The following FAM117B variants were observed in gnomAD, a reference collection of about 807,000 sequenced individuals.
FAM117B encodes the protein family with sequence similarity 117 member B, also known as protein FAM117B.
Under a neutral mutation model 52.8 loss-of-function variants are expected in FAM117B, and 22 were observed. The observed-to-expected ratio is 0.42, with a 90% CI of 0.30 to 0.59. The LOEUF (loss-of-function observed/expected upper bound fraction) is 0.59. Ranked by LOEUF, FAM117B falls within the 20% of genes least tolerant of loss-of-function variation. The pLI is 0.22. For missense variants in FAM117B, 678 were observed against 802.6 expected (o/e 0.84, Z 1.88); for synonymous variants, 309 against 324.1 (o/e 0.95, Z 0.50).
At chr2:202,752,667 A>T (rs1370975991) in intron 4 of FAM117B, among the ~76,000 whole-genome samples, 3 of 151,974 alleles carry the variant, frequency 2.0e-5, no homozygotes, top group African/African-American at 7.2e-5. Context: ...GGTTAATCAC[A>T]TTTCTTTGCT....
In FAM117B at chr2:202,759,296, T is replaced by C. The variant is rs755367826; in HGVS notation, c.1394T>C (p.Met465Thr). The change falls in exon 7 of 8, where the codon ATG becomes ACG. Residue 465 changes from methionine to threonine, a missense_variant. By Grantham distance (81) the Met-to-Thr change is moderately conservative. Coordinates refer to ENST00000392238, the MANE Select transcript of FAM117B (RefSeq NM_173511.4). ...ATSPKPNNSY[M>T]FKREPPEGCE... ...TCACCAAAACCTAACAACAGTTATATGTTCAAAAGGGAACCTCCTGAGGGC... is the reference window on the plus strand; with the variant it reads ...TCACCAAAACCTAACAACAGTTATACGTTCAAAAGGGAACCTCCTGAGGGC... The C allele has an allele frequency of 1.9e-6, 3 of 1,614,170 alleles. No individual in the cohort carries two copies. Among genetic ancestry groups the C allele is most frequent in the South Asian group, 2.2e-5 (2 of 91,080 alleles).
intron 1 of FAM117B, among the ~76,000 whole-genome samples, chr2:202,652,991 A>G (rs779619639): frequency 7.2e-5 from 11 of 152,188 alleles, no homozygotes; most frequent in Non-Finnish European, 1.5e-4. Flanking sequence ...CAGGCTGGGC[A>G]TGGTGGCTCA....
chr2:202,635,484 G>A lies in FAM117B; in HGVS notation c.297G>A (p.Gly99=). Residue 99 remains glycine, a synonymous_variant, in exon 1 of 8, where the codon GGG becomes GGA. Transcript: ENST00000392238. ...SRSTSPTRGG[G]NAAARTSPTV... ...GCACCAGCCCCACGCGCGGCGGCGG[G>A]AACGCGGCCGCGCGCACCAGCCCCA... 9.6e-7 allele frequency: 1 copy of A among 1,036,524 alleles called. No individual in the cohort carries two copies. Among genetic ancestry groups the A allele is most frequent in the South Asian group, 4.4e-5 (1 of 22,648 alleles). 64.2% of individuals were successfully genotyped at this position (1,036,524 alleles called of 1,614,324 possible).
intron 2 of FAM117B, among the ~76,000 whole-genome samples, chr2:202,705,075 G>A (rs985725436): frequency 2.0e-5 from 3 of 152,088 alleles, no homozygotes; most frequent in Non-Finnish European, 4.4e-5. Flanking sequence ...GGGAGGCCGA[G>A]GCAGGTGGAT....
At chr2:202,637,281 G>T (rs1020488156) in intron 1 of FAM117B, among the ~76,000 whole-genome samples, 2 of 144,894 alleles carry the variant, frequency 1.4e-5, no homozygotes, top group Admixed American at 6.9e-5. Flanking sequence ...TTTTTGAGAC[G>T]GAGTCTTGCT....
intron 2 of FAM117B, among the ~76,000 whole-genome samples, chr2:202,706,888 T>G (rs949770696): frequency 6.6e-6 from 1 of 152,152 alleles, no homozygotes. Flanking sequence ...TGTTGTTGCC[T>G]GTCAGTAGCT....
chr2:202,695,774 G>A (rs1690700306), intron 1 of FAM117B, 107 bp from the exon 2 acceptor site: 2 of 1,219,616 alleles, frequency 1.6e-6, no homozygotes, highest in Non-Finnish European at 2.3e-6. Context: ...TGGTTAAAGG[G>A]GATTACCATA....
chr2:202,757,904 C>T (rs7585385), intron 6 of FAM117B, among the ~76,000 whole-genome samples: 1 of 151,990 alleles, frequency 6.6e-6, no homozygotes, highest in Non-Finnish European at 1.5e-5. Context: ...TTAAAGCAAG[C>T]CTGATGTAAA....
chr2:202,751,891 C>T (rs1691730481), intron 4 of FAM117B, among the ~76,000 whole-genome samples: 2 of 150,908 alleles, frequency 1.3e-5, no homozygotes, highest in Non-Finnish European at 3.0e-5. Context: ...TATAAATTTT[C>T]TCTATAAAAC....
At position 202,679,521 on chromosome 2, in the gene FAM117B, G is replaced by T. The variant is rs544989654; in HGVS notation, c.602-16360G>T. 3.3e-5 allele frequency among the ~76,000 whole-genome samples: 5 copies of T among 152,308 alleles called. No individual in the cohort carries two copies. In the South Asian group the frequency reaches 1.0e-3, roughly 32 times the overall value. On this transcript the variant is annotated intron_variant, in intron 1 of 7. Coordinates refer to ENST00000392238, the MANE Select transcript of FAM117B (RefSeq NM_173511.4). ...AGGCTGGACAAGGAATGACTGAGGAGCTCTATGTTAAGTAATTCCCAGGGT... is the reference window on the plus strand; with the variant it reads ...AGGCTGGACAAGGAATGACTGAGGATCTCTATGTTAAGTAATTCCCAGGGT...
At chr2:202,694,379 C>T (rs1476792484) in intron 1 of FAM117B, among the ~76,000 whole-genome samples, 4 of 151,498 alleles carry the variant, frequency 2.6e-5, no homozygotes, top group South Asian at 2.1e-4. Context: ...TTAGTAGAGA[C>T]GGGGTTTCGC....
At position 202,766,061 on chromosome 2, in the gene FAM117B, A is replaced by AAAACACAC. The variant is rs1027003502; in HGVS notation, c.*298_*299insAACACACA. ...TTGTTTTCGAATTAGACTTCTTTAA[A>AAAACACAC]ACACACACACACACACACACACACA... On this transcript the variant is annotated 3_prime_UTR_variant, in exon 8 of 8. Coordinates refer to ENST00000392238, the MANE Select transcript of FAM117B (RefSeq NM_173511.4). The AAAACACAC allele has an allele frequency of 3.5e-5, 7 of 202,478 alleles. No individual in the cohort carries two copies. Among genetic ancestry groups the AAAACACAC allele is most frequent in the African/African-American group, 1.8e-4 (7 of 39,816 alleles). The allele number at this position is 202,478 out of a possible 1,614,324, so 12.5% of individuals were successfully genotyped here.
chr2:202,678,405 G>T (rs1236741521), intron 1 of FAM117B, among the ~76,000 whole-genome samples: 1 of 152,170 alleles, frequency 6.6e-6, no homozygotes, highest in African/African-American at 2.4e-5. Flanking sequence ...CATAGCCCGT[G>T]AAAAAACTGG....
intron 1 of FAM117B, among the ~76,000 whole-genome samples, chr2:202,655,040 A>G (rs550342228): frequency 3.3e-5 from 5 of 152,124 alleles, no homozygotes; most frequent in Admixed American, 1.3e-4. Context: ...AAATAATTTA[A>G]TGCTTTTTCT....
intron 1 of FAM117B, among the ~76,000 whole-genome samples, chr2:202,657,867 T>C (rs1222108856): frequency 1.3e-5 from 2 of 152,202 alleles, no homozygotes; most frequent in Non-Finnish European, 2.9e-5. Flanking sequence ...TTAATTTATG[T>C]ATTTTTTTTG....
At position 202,767,887 on chromosome 2, in the gene FAM117B, T is replaced by TA. The variant is rs1692007301; in HGVS notation, c.*2124dup. On this transcript the variant is annotated 3_prime_UTR_variant, in exon 8 of 8. Transcript: ENST00000392238. ...CCAAAACTAATTTATTTGGAACTAG[T>TA]ACGTTATGGCTTCTCAGTCATGAAA... The TA allele has an allele frequency of 6.6e-6, 1 of 152,200 alleles. No individual in the cohort carries two copies. Among genetic ancestry groups the TA allele is most frequent in the African/African-American group, 2.4e-5 (1 of 41,448 alleles). 9.4% of individuals were successfully genotyped at this position (152,200 alleles called of 1,614,324 possible).
At chr2:202,745,414 C>T (rs1408038062) in intron 4 of FAM117B, among the ~76,000 whole-genome samples, 2 of 152,094 alleles carry the variant, frequency 1.3e-5, no homozygotes, top group Non-Finnish European at 2.9e-5. Context: ...TATCTACCAT[C>T]ATGAAAACAC....
intron 4 of FAM117B, among the ~76,000 whole-genome samples, chr2:202,751,905 T>TA (rs575255498): frequency 6.6e-6 from 1 of 151,916 alleles, no homozygotes; most frequent in Non-Finnish European, 1.5e-5. Context: ...ATAAAACACT[T>TA]ATAGAACACC....
intron 1 of FAM117B, among the ~76,000 whole-genome samples, chr2:202,648,179 T>C (rs150111143): frequency 2.6e-5 from 4 of 152,278 alleles, no homozygotes; most frequent in East Asian, 3.9e-4. Context: ...GTTGTTTCTT[T>C]GTATAATTCC....
Sources: gnomAD v4.1 joint callset for allele counts (sites outside exome capture counted in the v4.1 genomes callset) on GRCh38, gnomAD v4.1.1 for gene constraint, MANE v1.5 for transcripts, NCBI Gene and HGNC (gene_info 2026-07-23, HGNC 2026-07-21) for gene names.